The following CCSER1 variants were observed in gnomAD, a reference collection of about 807,000 sequenced individuals.
CCSER1 encodes the protein serine-rich coiled-coil domain-containing protein 1.
In CCSER1, 41 loss-of-function variants were observed where a neutral mutation model predicts 82.0. The ratio of observed to expected loss-of-function variants is 0.50; its 90% CI spans 0.39 to 0.65. The LOEUF (loss-of-function observed/expected upper bound fraction) is 0.65. CCSER1 is among the 30% of genes least tolerant of loss of function. The probability of loss-of-function intolerance (pLI) is 0.00; values close to 1 mark genes in which losing one functional copy is unlikely to be tolerated. For missense variants in CCSER1, 1,119 were observed against 1,064.2 expected (o/e 1.05, Z -0.72); for synonymous variants, 414 against 383.9 (o/e 1.08, Z -0.92).
intron 10 of CCSER1, among the ~76,000 whole-genome samples, chr4:91,540,636 T>C (rs1224873687): frequency 6.6e-6 from 1 of 152,180 alleles, no homozygotes; most frequent in Admixed American, 6.5e-5. Flanking sequence ...ATACCCAATC[T>C]AGGTTTTCTT....
chr4:90,953,515 T>G (rs1318587180), intron 9 of CCSER1, among the ~76,000 whole-genome samples: 2 of 151,520 alleles, frequency 1.3e-5, no homozygotes, highest in African/African-American at 4.8e-5. Flanking sequence ...ACAATTATTT[T>G]TAAATAATTG....
chr4:91,006,359 C>T (rs1738504969), intron 9 of CCSER1, among the ~76,000 whole-genome samples: 1 of 126,188 alleles, frequency 7.9e-6, no homozygotes, highest in African/African-American at 2.9e-5. Flanking sequence ...TGCAATTTTA[C>T]TGAATTCACT....
At chr4:90,897,416 C>A (rs571667338) in intron 8 of CCSER1, among the ~76,000 whole-genome samples, 1 of 152,150 alleles carries the variant, frequency 6.6e-6, no homozygotes, top group Admixed American at 6.6e-5. Flanking sequence ...TGAGTTACTT[C>A]ACTTAGGATA....
intron 10 of CCSER1, among the ~76,000 whole-genome samples, chr4:91,502,176 C>T (rs1759244937): frequency 6.6e-6 from 1 of 151,998 alleles, no homozygotes; most frequent in African/African-American, 2.4e-5. Context: ...ATTCCTGGAA[C>T]ATGAAGTTGA....
intron 10 of CCSER1, among the ~76,000 whole-genome samples, chr4:91,525,540 T>C (rs1242685483): frequency 1.3e-5 from 2 of 152,184 alleles, no homozygotes; most frequent in African/African-American, 4.8e-5. Flanking sequence ...TGTTTTATAA[T>C]GGAGAGAGTG....
At chr4:90,300,408 G>T (rs1030018569) in intron 1 of CCSER1, among the ~76,000 whole-genome samples, 1 of 152,056 alleles carries the variant, frequency 6.6e-6, no homozygotes, top group African/African-American at 2.4e-5. Flanking sequence ...TAGTGTCTTT[G>T]TGATGTAGTA....
At chr4:90,308,143 T>G (rs1734639551) in intron 1 of CCSER1, 101 bp from the exon 2 acceptor site, 2 of 927,442 alleles carry the variant, frequency 2.2e-6, no homozygotes, top group Non-Finnish European at 3.0e-6. Context: ...TAGTATAAAC[T>G]AAATTCTATT....
intron 6 of CCSER1, among the ~76,000 whole-genome samples, chr4:90,631,874 G>T (rs1401601216): frequency 6.6e-6 from 1 of 151,958 alleles, no homozygotes; most frequent in Non-Finnish European, 1.5e-5. Flanking sequence ...AATTACCTTT[G>T]GGCTATGTCT....
intron 3 of CCSER1, among the ~76,000 whole-genome samples, chr4:90,338,041 T>C (rs1334503567): frequency 6.6e-6 from 1 of 152,196 alleles, no homozygotes; most frequent in Non-Finnish European, 1.5e-5. Context: ...GAATTTTTTA[T>C]ACTCTGAAAT....
At chr4:91,206,438 A>G (rs2149076652) in intron 10 of CCSER1, among the ~76,000 whole-genome samples, 1 of 152,094 alleles carries the variant, frequency 6.6e-6, no homozygotes, top group East Asian at 1.9e-4. Flanking sequence ...GTAGAGTAAA[A>G]AGGCACAGCA....
intron 10 of CCSER1, among the ~76,000 whole-genome samples, chr4:91,314,791 A>T (rs1745715998): frequency 6.6e-6 from 1 of 151,988 alleles, no homozygotes; most frequent in African/African-American, 2.4e-5. Context: ...TTGTAGGAGC[A>T]ATAGCTATGT....
chr4:90,424,224 G>C (rs564678828), intron 4 of CCSER1, among the ~76,000 whole-genome samples: 2 of 152,056 alleles, frequency 1.3e-5, no homozygotes, highest in East Asian at 3.9e-4. Context: ...CGTCTTGCAA[G>C]TAATGCTGTC....
rs577705071 is a variant in CCSER1 at position 91,327,054 on chromosome 4, C to A, written c.2217+241060C>A. Among the ~76,000 whole-genome samples the A allele has an allele frequency of 1.6e-4, 25 of 152,294 alleles. No individual in the cohort carries two copies. In the East Asian group the frequency reaches 4.7e-3, roughly 28 times the overall value. On this transcript the variant is annotated intron_variant, in intron 10 of 10. Coordinates refer to ENST00000509176, the MANE Select transcript of CCSER1 (RefSeq NM_001145065.2). ...CTGCAACAGTTCCAGGCACATGGTA[C>A]AAGCTGTTGGTGGATCTATCGTTCT... is the stretch of plus-strand genomic sequence containing the variant.
At chr4:90,505,363 CAG>C (rs968007318) in intron 5 of CCSER1, among the ~76,000 whole-genome samples, 1 of 151,372 alleles carries the variant, frequency 6.6e-6, no homozygotes, top group Admixed American at 6.6e-5. Context: ...TAGGGAAAGA[CAG>C]AGGAACCAAA....
chr4:91,167,825 C>A (rs999476874), intron 10 of CCSER1, among the ~76,000 whole-genome samples: 1 of 152,234 alleles, frequency 6.6e-6, no homozygotes, highest in Non-Finnish European at 1.5e-5. Flanking sequence ...CATAATATAA[C>A]CTAACAAATA....
At chr4:90,243,327 C>T (rs898216498) in intron 1 of CCSER1, among the ~76,000 whole-genome samples, 1 of 152,000 alleles carries the variant, frequency 6.6e-6, no homozygotes, top group Non-Finnish European at 1.5e-5. Flanking sequence ...AGACTCACTG[C>T]AACCTCCGTC....
chr4:90,515,715 T>C (rs78686732), intron 5 of CCSER1, among the ~76,000 whole-genome samples: 6,439 of 152,180 alleles, frequency 0.042, 414 homozygotes, highest in African/African-American at 0.14. Context: ...ATTATTATCT[T>C]CCCCCACCCT....
intron 10 of CCSER1, among the ~76,000 whole-genome samples, chr4:91,324,773 C>A (rs921081715): frequency 2.0e-5 from 3 of 151,972 alleles, no homozygotes; most frequent in Non-Finnish European, 4.4e-5. Flanking sequence ...AGCAAGGTGC[C>A]GGACTTTTTC....
Position 90,510,387 on chromosome 4 carries a change from T to A in CCSER1, c.1724+42033T>A, listed in dbSNP as rs555551268. Among the ~76,000 whole-genome samples, 3 of 152,324 alleles carry A rather than the reference T, an allele frequency of 2.0e-5. No individual in the cohort carries two copies. In the South Asian group the frequency reaches 6.2e-4, roughly 32 times the overall value. ...GTAATAATTGGCATTGTCTTTCAAGTTACCATTACAAAAACAAGTGAGAAT... is the reference window on the plus strand; with the variant it reads ...GTAATAATTGGCATTGTCTTTCAAGATACCATTACAAAAACAAGTGAGAAT... On this transcript the variant is annotated intron_variant, in intron 5 of 10. Transcript: ENST00000509176.
Sources: gnomAD v4.1 joint callset for allele counts (sites outside exome capture counted in the v4.1 genomes callset) on GRCh38, gnomAD v4.1.1 for gene constraint, MANE v1.5 for transcripts, NCBI Gene and HGNC (gene_info 2026-07-23, HGNC 2026-07-21) for gene names.